The following LRBA variants were observed in gnomAD, a reference collection of about 807,000 sequenced individuals.
LRBA encodes lipopolysaccharide-responsive and beige-like anchor protein.
In LRBA, 176 loss-of-function variants were observed where a neutral mutation model predicts 330.0. The observed-to-expected ratio is 0.53, with a 90% CI of 0.47 to 0.60. The LOEUF (loss-of-function observed/expected upper bound fraction) is 0.60. LRBA is among the 20% of genes least tolerant of loss of function. The pLI, the probability that LRBA is intolerant of heterozygous loss-of-function variation, is 0.00. For synonymous variants in LRBA, 1,230 were observed against 1,193.0 expected, an observed-to-expected ratio of 1.03 and a Z score of -0.64; for missense variants, 3,259 against 3,444.8, an observed-to-expected ratio of 0.95 and a Z score of 1.35.
chr4:150,321,070 A>T lies in LRBA; in HGVS notation c.7630+121T>A. 1 of 948,156 alleles carries T rather than the reference A, an allele frequency of 1.1e-6. No individual in the cohort carries two copies. Among genetic ancestry groups the T allele is most frequent in the Non-Finnish European group, 1.6e-6 (1 of 642,374 alleles). 58.7% of individuals were successfully genotyped at this position (948,156 alleles called of 1,614,324 possible). A position where few individuals can be genotyped will look rare whatever the true frequency, so the allele number is the denominator to read the frequency against. On this transcript the variant is annotated intron_variant, in intron 50 of 56. Coordinates refer to ENST00000651943, the MANE Select transcript of LRBA (RefSeq NM_001364905.1). This position sits in a 1 kb window ranked among gnomAD's most constrained non-coding sequence, Gnocchi z 4.5. ...TTTTAAGCCTTTCAAACTATTAAAC[A>T]ATTTGATTCAGACTAATGCTTGAAA...
At position 150,939,774 on chromosome 4, in the gene LRBA, C is replaced by T. The variant is rs576180235; in HGVS notation, c.217-10709G>A. On this transcript the variant is annotated intron_variant, in intron 2 of 56. Coordinates refer to ENST00000651943, the MANE Select transcript of LRBA (RefSeq NM_001364905.1). ...TACTCTCCTTAGAGAAAGAGGTTTG[C>T]GGAATGGATACACACAGACATACAG... Among the ~76,000 whole-genome samples, 9 of 152,158 alleles carry T rather than the reference C, an allele frequency of 5.9e-5. No individual in the cohort carries two copies. In the South Asian group the frequency reaches 1.5e-3, roughly 25 times the overall value.
At chr4:150,467,640 C>A (rs1248942972) in intron 44 of LRBA, 33 bp downstream of exon 44, 2 of 1,269,216 alleles carry the variant, frequency 1.6e-6, no homozygotes, top group African/African-American at 3.0e-5. Flanking sequence ...ATATGCAAGA[C>A]AATTATATTT....
intron 34 of LRBA, among the ~76,000 whole-genome samples, chr4:150,794,925 C>T (rs1037791370): frequency 1.7e-4 from 26 of 152,056 alleles, no homozygotes; most frequent in African/African-American, 5.3e-4. Context: ...CAGCCCTCTC[C>T]GATAGTGGAC....
At chr4:150,641,485 C>T in intron 37 of LRBA, among the ~76,000 whole-genome samples, 1 of 152,078 alleles carries the variant, frequency 6.6e-6, no homozygotes, top group Non-Finnish European at 1.5e-5. Context: ...ATAATGTAGT[C>T]AGTCTTGACA....
intron 2 of LRBA, among the ~76,000 whole-genome samples, chr4:150,931,600 CAAA>C (rs367728964): frequency 1.0e-5 from 1 of 98,542 alleles, no homozygotes. Flanking sequence ...TCTCCATATT[CAAA>C]AAAAAAAAAA....
chr4:150,340,408 G>A (rs1735363326), intron 48 of LRBA, among the ~76,000 whole-genome samples: 1 of 152,030 alleles, frequency 6.6e-6, no homozygotes. Context: ...TTCTCATACT[G>A]CACCAACATT....
At chr4:150,781,297 G>A (rs964898225) in intron 34 of LRBA, among the ~76,000 whole-genome samples, 2 of 152,244 alleles carry the variant, frequency 1.3e-5, no homozygotes, top group Non-Finnish European at 2.9e-5. Context: ...AGTCCCATCT[G>A]GGGGTGATGG....
chr4:150,665,808 T>A (rs574086642), intron 37 of LRBA, among the ~76,000 whole-genome samples: 1 of 152,332 alleles, frequency 6.6e-6, no homozygotes, highest in African/African-American at 2.4e-5. Flanking sequence ...TCAATATGGT[T>A]TTCTCCGGTA....
Position 150,535,880 on chromosome 4 carries a change from C to T in LRBA, c.6331-44845G>A, listed in dbSNP as rs563319316. ...GGTGGTGTAGTTAAGAACAGAACTTCGACATGACTAATGGGGGTCAGCAGA... is the reference window on the plus strand; with the variant it reads ...GGTGGTGTAGTTAAGAACAGAACTTTGACATGACTAATGGGGGTCAGCAGA... On this transcript the variant is annotated intron_variant, in intron 40 of 56. Transcript: ENST00000651943. 8.5e-5 allele frequency among the ~76,000 whole-genome samples: 13 copies of T among 152,168 alleles called. No individual in the cohort carries two copies. The East Asian group carries it at 2.5e-3, about 29-fold the overall frequency.
intron 52 of LRBA, among the ~76,000 whole-genome samples, chr4:150,303,882 C>G (rs1017503008): frequency 6.6e-6 from 1 of 152,136 alleles, no homozygotes; most frequent in Non-Finnish European, 1.5e-5. Flanking sequence ...AGCCCTCACC[C>G]TTTAAGAATC....
intron 2 of LRBA, among the ~76,000 whole-genome samples, chr4:150,988,476 T>G (rs1021665032): frequency 1.3e-5 from 2 of 152,190 alleles, no homozygotes; most frequent in African/African-American, 4.8e-5. Context: ...AAATGACATA[T>G]GAAAAAATGC....
chr4:150,639,290 G>C (rs1012493967), intron 37 of LRBA, among the ~76,000 whole-genome samples: 1 of 132,788 alleles, frequency 7.5e-6, no homozygotes. Context: ...CAGTGCACCA[G>C]CATGGCACAT....
At chr4:150,938,077 A>T (rs946499277) in intron 2 of LRBA, among the ~76,000 whole-genome samples, 3 of 133,950 alleles carry the variant, frequency 2.2e-5, no homozygotes, top group Non-Finnish European at 3.3e-5. Context: ...GGTATAGTTT[A>T]AAAAAAAAAA....
At chr4:150,527,267 G>A (rs1024601298) in intron 40 of LRBA, among the ~76,000 whole-genome samples, 4 of 152,030 alleles carry the variant, frequency 2.6e-5, no homozygotes, top group Non-Finnish European at 5.9e-5. Context: ...CATCGAATCC[G>A]AGATACCTAC....
intron 5 of LRBA, among the ~76,000 whole-genome samples, chr4:150,918,517 G>A (rs1199593518): frequency 2.0e-5 from 3 of 152,212 alleles, no homozygotes; most frequent in African/African-American, 4.8e-5. Flanking sequence ...GGGAGGCTGA[G>A]GCAGGTGGAT....
chr4:150,860,623 C>T (rs1192098492), intron 22 of LRBA, among the ~76,000 whole-genome samples: 5 of 151,900 alleles, frequency 3.3e-5, no homozygotes, highest in Non-Finnish European at 4.4e-5. Context: ...GTCAGGAGAT[C>T]GAGACCATCC....
At chr4:150,523,388 A>G (rs1364583243) in intron 40 of LRBA, among the ~76,000 whole-genome samples, 1 of 152,128 alleles carries the variant, frequency 6.6e-6, no homozygotes, top group Non-Finnish European at 1.5e-5. Context: ...CCCTTTCTCC[A>G]TGGGAGGACA....
At chr4:150,684,435 C>A (rs761203839) in intron 36 of LRBA, among the ~76,000 whole-genome samples, 5 of 152,094 alleles carry the variant, frequency 3.3e-5, no homozygotes, top group Non-Finnish European at 5.9e-5. Flanking sequence ...GAGTCTCAGG[C>A]CCCACCCCAA....
chr4:150,895,660 C>T (rs974062276), intron 16 of LRBA, among the ~76,000 whole-genome samples: 3 of 152,206 alleles, frequency 2.0e-5, no homozygotes, highest in East Asian at 1.9e-4. Flanking sequence ...ATATGTGCCA[C>T]ATTTTCTTAA....
Sources: allele counts gnomAD v4.1 joint callset (sites outside exome capture counted in the v4.1 genomes callset), GRCh38; gene constraint gnomAD v4.1.1; non-coding constraint Gnocchi (gnomAD v3.1); transcripts MANE v1.5; gene names NCBI Gene and HGNC (gene_info 2026-07-23, HGNC 2026-07-21).